The following TRPC4 variants were observed in gnomAD, a reference collection of about 807,000 sequenced individuals.
TRPC4 encodes the protein short transient receptor potential channel 4.
A neutral mutation model predicts 99.4 loss-of-function variants in TRPC4; 49 were observed. The observed-to-expected ratio is 0.49, with a 90% CI of 0.39 to 0.63. The LOEUF is 0.63. TRPC4 is among the 20% of genes least tolerant of loss of function. The pLI, the probability that TRPC4 is intolerant of heterozygous loss-of-function variation, is 0.00. For missense variants in TRPC4, 898 were observed against 1,152.9 expected, an observed-to-expected ratio of 0.78 and a Z score of 3.20; for synonymous variants, 454 against 425.9, an observed-to-expected ratio of 1.07 and a Z score of -0.81.
intron 3 of TRPC4, among the ~76,000 whole-genome samples, chr13:37,697,036 T>A (rs1953926850): frequency 6.6e-6 from 1 of 152,094 alleles, no homozygotes; most frequent in Admixed American, 6.5e-5. Flanking sequence ...GTGCTCTTCA[T>A]TAAACAATTC....
chr13:37,824,985 C>T (rs1286737403), intron 1 of TRPC4, among the ~76,000 whole-genome samples: 2 of 151,992 alleles, frequency 1.3e-5, no homozygotes, highest in Admixed American at 6.6e-5. Context: ...TCAACTTCTT[C>T]CTGGTTTAGT....
intron 5 of TRPC4, among the ~76,000 whole-genome samples, chr13:37,663,992 G>A (rs999723205): frequency 6.6e-6 from 1 of 152,146 alleles, no homozygotes; most frequent in Non-Finnish European, 1.5e-5. Flanking sequence ...TCTCTGCTAT[G>A]TCCTAAATGT....
At chr13:37,835,097 A>G (rs1958529971) in intron 1 of TRPC4, among the ~76,000 whole-genome samples, 2 of 152,084 alleles carry the variant, frequency 1.3e-5, no homozygotes. Context: ...GAAAAACAAA[A>G]CAAAACAAAA....
intron 1 of TRPC4, among the ~76,000 whole-genome samples, chr13:37,811,508 A>C (rs1006683603): frequency 2.0e-5 from 3 of 152,114 alleles, no homozygotes; most frequent in Admixed American, 6.6e-5. Flanking sequence ...GGGATACAGA[A>C]CTAAGAATCT....
At chr13:37,847,181 A>G (rs1958930405) in intron 1 of TRPC4, among the ~76,000 whole-genome samples, 1 of 152,106 alleles carries the variant, frequency 6.6e-6, no homozygotes, top group South Asian at 2.1e-4. Flanking sequence ...TATACTTTAG[A>G]TCACACGTAC....
At chr13:37,697,511 G>C (rs1230984043) in intron 3 of TRPC4, among the ~76,000 whole-genome samples, 1 of 152,194 alleles carries the variant, frequency 6.6e-6, no homozygotes, top group Non-Finnish European at 1.5e-5. Flanking sequence ...AGAGATAAGT[G>C]TGCTCAGATG....
intron 2 of TRPC4, among the ~76,000 whole-genome samples, chr13:37,755,672 G>C (rs1247981429): frequency 1.3e-5 from 2 of 152,000 alleles, no homozygotes; most frequent in Non-Finnish European, 2.9e-5. Flanking sequence ...AATGTGCTGG[G>C]ATTACAGGCG....
At chr13:37,638,616 A>C (rs1335063539) in intron 10 of TRPC4, among the ~76,000 whole-genome samples, 1 of 152,184 alleles carries the variant, frequency 6.6e-6, no homozygotes. Flanking sequence ...TTTAAAAACT[A>C]TCAAGGAGAA....
rs1955733506 is a variant in TRPC4, at chr13:37,745,475, C to CATATATATATATATAT, written c.897+461_897+462insATATATATATATATAT. 1.5e-3 allele frequency among the ~76,000 whole-genome samples: 12 copies of CATATATATATATATAT among 7,842 alleles called. No individual in the cohort carries two copies. The South Asian group carries it at 0.036, about 24-fold the overall frequency. 5.1% of individuals were successfully genotyped at this position (7,842 alleles called of 152,430 possible). A position where few individuals can be genotyped will look rare whatever the true frequency, so the allele number is the denominator to read the frequency against. On this transcript the variant is annotated intron_variant, in intron 3 of 10. Transcript: ENST00000379705. Reference sequence around the variant, plus strand: ...ATATATATATATATATATATATATACACACACACACACACTTATATATACG... The same window carrying CATATATATATATATAT: ...ATATATATATATATATATATATATACATATATATATATATATACACACACACACACTTATATATACG...
intron 2 of TRPC4, among the ~76,000 whole-genome samples, chr13:37,766,717 C>T (rs539404883): frequency 6.6e-6 from 1 of 151,376 alleles, no homozygotes; most frequent in South Asian, 2.1e-4. Flanking sequence ...TGAGATAAAA[C>T]TGAGGAATTA....
rs564285177 is a variant in TRPC4, at chr13:37,652,029, T to C, written c.1885-570A>G. Among the ~76,000 whole-genome samples the C allele has an allele frequency of 2.0e-5, 3 of 152,384 alleles. No homozygotes were observed. In the East Asian group the frequency reaches 5.8e-4, roughly 29 times the overall value. ...GGCCTCTCTGACACACCATTGAATC[T>C]TGACCTAACTTTGTACAGATTTCAC... On this transcript the variant is annotated intron_variant, in intron 7 of 10. Transcript: ENST00000379705.
chr13:37,836,017 ATGCTG>A (rs59215266), intron 1 of TRPC4, among the ~76,000 whole-genome samples: 37,221 of 151,810 alleles, frequency 0.25, 5,144 homozygotes, highest in East Asian at 0.43. Context: ...AGTCTTTCCC[ATGCTG>A]TTCTCATGAT....
chr13:37,829,635 A>G (rs1392108484), intron 1 of TRPC4, among the ~76,000 whole-genome samples: 1 of 152,210 alleles, frequency 6.6e-6, no homozygotes, highest in Non-Finnish European at 1.5e-5. Flanking sequence ...CAGCAATTCT[A>G]CTTCTAGATA....
intron 4 of TRPC4, among the ~76,000 whole-genome samples, chr13:37,681,860 GA>G (rs1156952963): frequency 6.6e-6 from 1 of 152,202 alleles, no homozygotes; most frequent in Non-Finnish European, 1.5e-5. Flanking sequence ...AGACTGTGGG[GA>G]CCAACAAAGG....
At chr13:37,726,881 AC>A (rs1382550827) in intron 3 of TRPC4, among the ~76,000 whole-genome samples, 1 of 152,190 alleles carries the variant, frequency 6.6e-6, no homozygotes, top group Non-Finnish European at 1.5e-5. Context: ...AAGGTTTATT[AC>A]AAGAAGATAT....
At chr13:37,830,002 T>C (rs1213609076) in intron 1 of TRPC4, among the ~76,000 whole-genome samples, 3 of 152,078 alleles carry the variant, frequency 2.0e-5, no homozygotes, top group Admixed American at 6.6e-5. Flanking sequence ...GTGCAGTGGG[T>C]AAGAATTGGG....
chr13:37,842,706 C>A (rs545170354), intron 1 of TRPC4, among the ~76,000 whole-genome samples: 1 of 152,132 alleles, frequency 6.6e-6, no homozygotes, highest in African/African-American at 2.4e-5. Flanking sequence ...TAAGGGTAGA[C>A]CCCTCATGAC....
At chr13:37,803,134 A>G (rs1238898975) in intron 1 of TRPC4, among the ~76,000 whole-genome samples, 1 of 151,902 alleles carries the variant, frequency 6.6e-6, no homozygotes, top group Non-Finnish European at 1.5e-5. Flanking sequence ...TGTTCTTTTG[A>G]CATGCTTTCA....
At chr13:37,660,301 C>T (rs1952387388) in intron 6 of TRPC4, among the ~76,000 whole-genome samples, 1 of 152,018 alleles carries the variant, frequency 6.6e-6, no homozygotes, top group South Asian at 2.1e-4. Context: ...AAGTGTTAAA[C>T]AGGGTCAAAT....
Sources: allele counts gnomAD v4.1 joint callset (sites outside exome capture counted in the v4.1 genomes callset), GRCh38; gene constraint gnomAD v4.1.1; transcripts MANE v1.5; gene names NCBI Gene and HGNC (gene_info 2026-07-23, HGNC 2026-07-21).